GRAMD1A: variants seen among roughly 807,000 people sequenced by gnomAD.
The protein encoded by GRAMD1A is GRAM domain containing 1A.
In GRAMD1A, 50 loss-of-function variants were observed where a neutral mutation model predicts 92.0. The observed-to-expected ratio is 0.54, with a 90% confidence interval of 0.43 to 0.69. The LOEUF (loss-of-function observed/expected upper bound fraction) is 0.69. Among genes scored for constraint, GRAMD1A ranks in the 30% least tolerant of loss-of-function variants. The pLI, the probability that GRAMD1A is intolerant of heterozygous loss-of-function variation, is 0.00. For missense variants in GRAMD1A, 819 were observed against 978.9 expected, an observed-to-expected ratio of 0.84 and a Z score of 2.18; for synonymous variants, 405 against 403.6, an observed-to-expected ratio of 1.00 and a Z score of -0.04.
chr19:35,013,510 C>T lies in GRAMD1A; in HGVS notation c.720-31C>T, dbSNP rs113042980. The T allele has an allele frequency of 5.7e-3, 9,012 of 1,586,590 alleles. 430 individuals are homozygous for T. The African/African-American group carries it at 0.1, about 18-fold the overall frequency. On this transcript the variant is annotated intron_variant, in intron 8 of 19. Transcript: ENST00000317991. This position sits in a 1 kb window ranked among gnomAD's most constrained non-coding sequence, Gnocchi z 4.9. ...GAGGGTGTATGGGGTCTCAAGGACA[C>T]AGCAGTCCCGCTTCCTCCCCTTTCC...
chr19:35,022,225 G>A (rs1025012802), intron 16 of GRAMD1A, among the ~76,000 whole-genome samples, 187 bp downstream of exon 16: 2 of 152,132 alleles, frequency 1.3e-5, no homozygotes, highest in Admixed American at 6.6e-5. Flanking sequence ...TTCCCTGCTA[G>A]AACAGCAGAG....
At chr19:35,001,677 GGCCCACTGCA>G (rs1313311375) in intron 1 of GRAMD1A, among the ~76,000 whole-genome samples, 1 of 151,700 alleles carries the variant, frequency 6.6e-6, no homozygotes, top group Non-Finnish European at 1.5e-5. Context: ...GCACGATCTC[GGCCCACTGCA>G]ACCTCCTCCT....
intron 10 of GRAMD1A, chr19:35,014,855 C>T (rs969842799): frequency 1.8e-4 from 29 of 165,508 alleles, no homozygotes; most frequent in Non-Finnish European, 2.5e-4. Flanking sequence ...AGCAAGACCC[C>T]GTTTTGTACA....
rs1313046343 is a variant in GRAMD1A, at chr19:35,021,806, G to A, written c.1695G>A (p.Gly565=). 3.1e-6 allele frequency: 5 copies of A among 1,609,594 alleles called. No homozygotes were observed. In the African/African-American group the frequency reaches 5.3e-5, roughly 17 times the overall value. ...GGCCCCTGAGCTGGCGGGCTCACGG[G>A]GACGGGCCCCAGCACCCAGATCCTG... ...RKRPLSWRAH[G]DGPQHPDPDP... is the part of the protein sequence containing the mutation. The change falls in exon 15 of 20, where the codon GGG becomes GGA. Residue 565 remains glycine (G), a synonymous_variant. Transcript: ENST00000317991. This position sits in a 1 kb window ranked among gnomAD's most constrained non-coding sequence, Gnocchi z 5.3.
At position 35,014,106 on chromosome 19, in the gene GRAMD1A, G is replaced by A. The variant is rs547439445; in HGVS notation, c.871-83G>A. Reference sequence around the variant, plus strand: ...ACCACCCCGGGTCTGCACAGGCTCTGGAATCCTTGTGGCCAGTGTGGACTT... The same window carrying A: ...ACCACCCCGGGTCTGCACAGGCTCTAGAATCCTTGTGGCCAGTGTGGACTT... On this transcript the variant is annotated intron_variant, in intron 9 of 19. Transcript: ENST00000317991. 2.6e-5 allele frequency: 34 copies of A among 1,307,194 alleles called. No homozygotes were observed. In the East Asian group the frequency reaches 7.0e-4, roughly 27 times the overall value. The allele number at this position is 1,307,194 out of a possible 1,614,324, so 81.0% of individuals were successfully genotyped here.
chr19:35,010,654 T>C (rs1487046446), intron 6 of GRAMD1A: 4 of 587,710 alleles, frequency 6.8e-6, no homozygotes, highest in Non-Finnish European at 1.2e-5. Context: ...GCCCCTCCCT[T>C]CGTAAGTCTC....
At chr19:35,020,056 C>T (rs2015937883) in intron 13 of GRAMD1A, among the ~76,000 whole-genome samples, 1 of 152,050 alleles carries the variant, frequency 6.6e-6, no homozygotes, top group Admixed American at 6.6e-5. Flanking sequence ...TGGGCAATGG[C>T]TGGAGTGGAG....
chr19:35,023,372 G>T (rs1377744180), intron 18 of GRAMD1A, 29 bp downstream of exon 18: 6 of 1,613,822 alleles, frequency 3.7e-6, no homozygotes, highest in Non-Finnish European at 5.1e-6. Context: ...GAAATGGGGG[G>T]GCTTGGGCAC....
chr19:34,995,677 A>G (rs1278384914), upstream of GRAMD1A, among the ~76,000 whole-genome samples: 2 of 144,566 alleles, frequency 1.4e-5, no homozygotes, highest in Non-Finnish European at 3.0e-5. Flanking sequence ...AAATTCCGGG[A>G]TTCTCATGTG....
At position 35,013,652 on chromosome 19, in the gene GRAMD1A, G is replaced by C; in HGVS notation, c.831G>C (p.Thr277=). 6.2e-7 allele frequency: 1 copy of C among 1,613,180 alleles called. No individual in the cohort carries two copies. Among genetic ancestry groups the C allele is most frequent in the South Asian group, 1.1e-5 (1 of 91,008 alleles). The change falls in exon 9 of 20, where the codon ACG becomes ACC. Residue 277 remains threonine (T), a synonymous_variant. Coordinates refer to ENST00000317991, the MANE Select transcript of GRAMD1A (RefSeq NM_020895.5). The surrounding 1 kb of genome is among the most constrained non-coding windows in gnomAD (Gnocchi z 4.9). ...SPVGSRRGHV[T]PNLSRASSDA... ...TGGGTTCGCGCCGTGGCCATGTCAC[G>C]CCCAACCTTTCCCGAGCCAGCAGCG...
rs1277839819 is a variant in GRAMD1A at position 35,022,929 on chromosome 19, C to A, written c.1853+18C>A. ...TGTGTGAGGTAGGGTCCCGAGTCCTCCCCCTGCCCTCCCCTCCCTGCACCC... is the reference window on the plus strand; with the variant it reads ...TGTGTGAGGTAGGGTCCCGAGTCCTACCCCTGCCCTCCCCTCCCTGCACCC... On this transcript the variant is annotated intron_variant, in intron 17 of 19. Transcript: ENST00000317991. 16 of 1,566,062 alleles carry A rather than the reference C, an allele frequency of 1.0e-5. No homozygotes were observed. Among genetic ancestry groups the A allele is most frequent in the Non-Finnish European group, 1.4e-5 (16 of 1,147,122 alleles).
chr19:35,000,179 T>C, upstream of GRAMD1A: 2 of 1,011,506 alleles, frequency 2.0e-6, no homozygotes, highest in Non-Finnish European at 2.4e-6. The surrounding 1 kb of genome is among the most constrained non-coding windows in gnomAD (Gnocchi z 4.9). Flanking sequence ...GTCCAGTCCC[T>C]CTCTCCCCGG....
rs1164519549 is a variant in GRAMD1A at position 35,023,336 on chromosome 19, G to C, written c.1954G>C (p.Ala652Pro). The C allele has an allele frequency of 1.2e-6, 2 of 1,613,964 alleles. No individual in the cohort carries two copies. The highest frequency in any genetic ancestry group is 2.2e-5 in the South Asian group (2 of 91,094). ...TFESWHSLAL[A>P]KGKFPQTATE... ...TGAGTCCTGGCACAGCCTGGCCCTG[G>C]CCAAGGGGTGAGTGGGTAGCCTGGG... The change falls in exon 18 of 20, where the codon GCC becomes CCC. Residue 652 changes from alanine to proline, a missense_variant. This residue lies in a region of GRAMD1A where 577 missense variants were observed against 674.6 expected (regional missense o/e 0.86). Transcript: ENST00000317991.
intron 11 of GRAMD1A, among the ~76,000 whole-genome samples, chr19:35,016,959 C>T (rs1444648945): frequency 6.7e-6 from 1 of 148,536 alleles, no homozygotes; most frequent in Non-Finnish European, 1.5e-5. Flanking sequence ...TTCATGTCAG[C>T]CCAGAAGTTG....
intron 3 of GRAMD1A, 23 bp from the exon 4 acceptor site, chr19:35,009,865 T>G: frequency 2.0e-6 from 3 of 1,464,612 alleles, no homozygotes; most frequent in Non-Finnish European, 2.9e-6. Context: ...CCATCCAGGT[T>G]CTCACCTCTC....
intron 1 of GRAMD1A, among the ~76,000 whole-genome samples, chr19:35,005,547 A>T (rs2014748070): frequency 6.6e-6 from 1 of 152,120 alleles, no homozygotes; most frequent in South Asian, 2.1e-4. Context: ...CCCTCCCACT[A>T]CAGGTATGGG....
chr19:35,025,615 G>A (rs11881525), intron 19 of GRAMD1A, among the ~76,000 whole-genome samples: 3,053 of 152,294 alleles, frequency 0.02, 104 homozygotes, highest in African/African-American at 0.07. Flanking sequence ...GAGCTTGCCC[G>A]AGGTCACAGA....
intron 17 of GRAMD1A, 52 bp downstream of exon 17, chr19:35,022,963 C>T: frequency 7.4e-7 from 1 of 1,351,184 alleles, no homozygotes; most frequent in Non-Finnish European, 1.0e-6. Flanking sequence ...CCCACCCCTG[C>T]TGCAGCCTCT....
chr19:35,014,299 G>A lies in GRAMD1A; in HGVS notation c.981G>A (p.Gly327=), dbSNP rs377101745. 6.2e-6 allele frequency: 10 copies of A among 1,614,004 alleles called. No homozygotes were observed. In the African/African-American group the frequency reaches 1.3e-4, roughly 22 times the overall value. Reference sequence around the variant, plus strand: ...GCACAGAGCCCACCCAGCCTGACGGGCCCACCACCCTGGGCCCCTTGGATC... The same window carrying A: ...GCACAGAGCCCACCCAGCCTGACGGACCCACCACCCTGGGCCCCTTGGATC... ...PPSTEPTQPD[G]PTTLGPLDLL... is the part of the protein sequence containing the mutation. Residue 327 remains glycine, a synonymous_variant, in exon 10 of 20, where the codon GGG becomes GGA. Transcript: ENST00000317991.
Sources: allele counts gnomAD v4.1 joint callset (sites outside exome capture counted in the v4.1 genomes callset), GRCh38; gene constraint gnomAD v4.1.1; regional missense constraint gnomAD v4.1.1; non-coding constraint Gnocchi (gnomAD v3.1); transcripts MANE v1.5; gene names NCBI Gene and HGNC (gene_info 2026-07-23, HGNC 2026-07-21).